The following BCL2L13 variants were observed in gnomAD, a reference collection of about 807,000 sequenced individuals.
The protein encoded by BCL2L13 is bcl-2-like protein 13.
Under a neutral mutation model 25.8 loss-of-function variants are expected in BCL2L13, and 13 were observed. The observed-to-expected ratio is 0.50, with a 90% CI of 0.33 to 0.80. The LOEUF (loss-of-function observed/expected upper bound fraction) is 0.80. BCL2L13 is among the 30% of genes least tolerant of loss of function. The pLI is 0.02. For synonymous variants in BCL2L13, 244 were observed against 230.3 expected (o/e 1.06, Z -0.54); for missense variants, 504 against 574.9 (o/e 0.88, Z 1.26).
chr22:17,727,758 A>C lies in BCL2L13; in HGVS notation c.*224A>C. On this transcript the variant is annotated 3_prime_UTR_variant, in exon 7 of 7. Transcript: ENST00000317582. Reference sequence around the variant, plus strand: ...GGCCTCCGCTCATGCTAAATTGAGAATCTTAGGGGTAAAGCACCCCCTCCA... The same window carrying C: ...GGCCTCCGCTCATGCTAAATTGAGACTCTTAGGGGTAAAGCACCCCCTCCA... The C allele has an allele frequency of 1.6e-6, 1 of 614,908 alleles. No individual in the cohort carries two copies. The highest frequency in any genetic ancestry group is 2.8e-6 in the Non-Finnish European group (1 of 360,440). 38.1% of individuals were successfully genotyped at this position (614,908 alleles called of 1,614,324 possible).
intron 2 of BCL2L13, among the ~76,000 whole-genome samples, chr22:17,678,058 A>G (rs1409958889): frequency 6.6e-6 from 1 of 152,058 alleles, no homozygotes; most frequent in Non-Finnish European, 1.5e-5. Context: ...AACATAAAAT[A>G]TATAGAAGTG....
rs112413121 is a variant in BCL2L13, at chr22:17,664,467, C to T, written c.121+8635C>T. Reference sequence around the variant, plus strand: ...GGCATTGAGTGTCTGTGGCTCTTCCCGGTGCACAGTGCAAGCTGTCAGTGG... The same window carrying T: ...GGCATTGAGTGTCTGTGGCTCTTCCTGGTGCACAGTGCAAGCTGTCAGTGG... On this transcript the variant is annotated intron_variant, in intron 2 of 6. Transcript: ENST00000317582. Among the ~76,000 whole-genome samples, 644 of 152,238 alleles carry T rather than the reference C, an allele frequency of 4.2e-3. 6 individuals are homozygous for T. The highest frequency in any genetic ancestry group is 0.015 in the African/African-American group (616 of 41,550).
At chr22:17,666,330 G>A (rs145554923) in intron 2 of BCL2L13, among the ~76,000 whole-genome samples, 9 of 152,036 alleles carry the variant, frequency 5.9e-5, no homozygotes, top group African/African-American at 1.2e-4. Context: ...TGGGGTATCC[G>A]TCCCCTCAAC....
At chr22:17,670,913 G>A (rs536271558) in intron 2 of BCL2L13, among the ~76,000 whole-genome samples, 3 of 152,146 alleles carry the variant, frequency 2.0e-5, no homozygotes, top group East Asian at 3.9e-4. Flanking sequence ...GTATGATAAC[G>A]CTAGAACCTG....
chr22:17,677,038 C>T (rs1199897942), intron 2 of BCL2L13, among the ~76,000 whole-genome samples: 4 of 152,130 alleles, frequency 2.6e-5, no homozygotes, highest in African/African-American at 4.8e-5. Context: ...TGAGGAGATC[C>T]TTTGTGTTAC....
intron 6 of BCL2L13, among the ~76,000 whole-genome samples, chr22:17,715,145 TATATATATATATATATATATATATA>T (rs1318140688): frequency 0.35 from 3,401 of 9,688 alleles, 207 homozygotes; most frequent in East Asian, 0.4. Flanking sequence ...TATATATATA[TATATATATATATATATATATATATA>T]TTTTTTTTTT....
At chr22:17,639,853 T>C (rs764582431) in intron 1 of BCL2L13, among the ~76,000 whole-genome samples, 2 of 141,068 alleles carry the variant, frequency 1.4e-5, no homozygotes. Flanking sequence ...AGATACCTTC[T>C]TTCTTTTTTT....
intron 1 of BCL2L13, among the ~76,000 whole-genome samples, chr22:17,631,696 ATATATATATATT>A (rs1327260326): frequency 2.1e-4 from 7 of 33,232 alleles, no homozygotes; most frequent in Middle Eastern, 0.02. Flanking sequence ...ATATATATAT[ATATATATATATT>A]TTTTTTTTTT....
At position 17,728,496 on chromosome 22, in the gene BCL2L13, G is replaced by A. The variant is rs180698180; in HGVS notation, c.*962G>A. On this transcript the variant is annotated 3_prime_UTR_variant, in exon 7 of 7. Transcript: ENST00000317582. The stretch of plus-strand genomic sequence containing the variant: ...TCGCTAGTGGTCACCCACCACCATG[G>A]TTACTTGCCAGCAACATCTCTATTG... 2.0e-5 allele frequency: 3 copies of A among 152,238 alleles called. No individual in the cohort carries two copies. The highest frequency in any genetic ancestry group is 7.2e-5 in the African/African-American group (3 of 41,558). The allele number at this position is 152,238 out of a possible 1,614,324, so 9.4% of individuals were successfully genotyped here.
At chr22:17,654,237 T>A (rs2058776897) in intron 1 of BCL2L13, among the ~76,000 whole-genome samples, 1 of 150,800 alleles carries the variant, frequency 6.6e-6, no homozygotes, top group South Asian at 2.1e-4. Flanking sequence ...TCTGAGTAGC[T>A]GGCATTATAG....
intron 4 of BCL2L13, among the ~76,000 whole-genome samples, chr22:17,692,571 G>A (rs769286980): frequency 6.6e-6 from 1 of 152,144 alleles, no homozygotes; most frequent in Non-Finnish European, 1.5e-5. Context: ...AAAAGTACTA[G>A]GCTCACTTTA....
At chr22:17,676,408 A>G (rs1212853600) in intron 2 of BCL2L13, among the ~76,000 whole-genome samples, 1 of 152,166 alleles carries the variant, frequency 6.6e-6, no homozygotes, top group Non-Finnish European at 1.5e-5. Flanking sequence ...GGTTGCAGTG[A>G]GCCGAGACTG....
chr22:17,662,638 G>A (rs997894848), intron 2 of BCL2L13, among the ~76,000 whole-genome samples: 35 of 151,852 alleles, frequency 2.3e-4, no homozygotes, highest in Admixed American at 1.7e-3. Flanking sequence ...CCTACATGGC[G>A]AAACCCCGCC....
At chr22:17,652,417 A>C (rs575626534) in intron 1 of BCL2L13, among the ~76,000 whole-genome samples, 1 of 152,262 alleles carries the variant, frequency 6.6e-6, no homozygotes, top group South Asian at 2.1e-4. Flanking sequence ...CAACTATTTT[A>C]TGTAAAGTGT....
chr22:17,659,140 T>C (rs1190410936), intron 2 of BCL2L13, among the ~76,000 whole-genome samples: 1 of 113,010 alleles, frequency 8.8e-6, no homozygotes, highest in Non-Finnish European at 1.9e-5. Flanking sequence ...CCAAGGTGGG[T>C]GGATCATGAG....
chr22:17,643,107 A>G (rs1022920053), intron 1 of BCL2L13, among the ~76,000 whole-genome samples: 7 of 152,204 alleles, frequency 4.6e-5, no homozygotes, highest in East Asian at 1.9e-4. Flanking sequence ...GCAAATGCCA[A>G]CTGCTGAGTG....
intron 1 of BCL2L13, among the ~76,000 whole-genome samples, chr22:17,652,409 A>T (rs990786274): frequency 6.6e-6 from 1 of 152,044 alleles, no homozygotes; most frequent in Non-Finnish European, 1.5e-5. Flanking sequence ...AAATATAACA[A>T]CTATTTTATG....
At chr22:17,634,578 C>T (rs551933036), upstream of BCL2L13, among the ~76,000 whole-genome samples, 1 of 152,128 alleles carries the variant, frequency 6.6e-6, no homozygotes, top group African/African-American at 2.4e-5. Flanking sequence ...CAAGAGGGAC[C>T]GCGTCTGATG....
At chr22:17,630,904 AATAACCTTACTTTTTAACCTTTT>A (rs1250626000) in intron 1 of BCL2L13, among the ~76,000 whole-genome samples, 1 of 150,572 alleles carries the variant, frequency 6.6e-6, no homozygotes, top group African/African-American at 2.4e-5. Context: ...ACCTTTTTTT[AATAACCTTACTTTTTAACCTTTT>A]ATAACCTTCT....
Sources: gnomAD v4.1 joint callset for allele counts (sites outside exome capture counted in the v4.1 genomes callset) on GRCh38, gnomAD v4.1.1 for gene constraint, MANE v1.5 for transcripts, NCBI Gene and HGNC (gene_info 2026-07-23, HGNC 2026-07-21) for gene names.